SYNGR3: variants seen among roughly 807,000 people sequenced by gnomAD.
SYNGR3 encodes synaptogyrin 3, also known as synaptogyrin-3.
In SYNGR3, 10 loss-of-function variants were observed where a neutral mutation model predicts 18.5. The observed-to-expected ratio is 0.54, with a 90% CI of 0.33 to 0.92. The LOEUF (loss-of-function observed/expected upper bound fraction) is 0.92. Ranked by LOEUF, SYNGR3 falls within the 40% of genes least tolerant of loss-of-function variation. SYNGR3 has a pLI of 0.02. For missense variants in SYNGR3, 335 were observed against 332.8 expected (o/e 1.01, Z -0.05); for synonymous variants, 188 against 157.2 (o/e 1.20, Z -1.47).
At chr16:1,992,250 G>A in intron 2 of SYNGR3, 39 bp downstream of exon 2, 2 of 1,047,060 alleles carry the variant, frequency 1.9e-6, no homozygotes, top group South Asian at 1.9e-5. Context: ...AGAGCCTTCC[G>A]GGTGGGCGGG....
rs1597068088 is a variant in SYNGR3, at chr16:1,993,791, G to C, written c.*719G>C. On this transcript the variant is annotated 3_prime_UTR_variant, in exon 4 of 4. Transcript: ENST00000248121. The stretch of plus-strand genomic sequence containing the variant: ...GCCCTTCAGTAAGACCTTGCCAGGA[G>C]AGGAGAAGGATGCCTGGGTGCCAGG... The C allele has an allele frequency of 2.9e-6, 1 of 346,668 alleles. No homozygotes were observed. The highest frequency in any genetic ancestry group is 7.8e-5 in the East Asian group (1 of 12,752). 21.5% of individuals were successfully genotyped at this position (346,668 alleles called of 1,614,324 possible).
At chr16:1,992,433 C>A in intron 2 of SYNGR3, 1 of 804,560 alleles carries the variant, frequency 1.2e-6, no homozygotes, top group Non-Finnish European at 1.8e-6. Context: ...GGGCCCGGGT[C>A]TGGGCGGAGC....
Position 1,993,107 on chromosome 16 carries a change from C to T in SYNGR3, c.*35C>T. On this transcript the variant is annotated 3_prime_UTR_variant, in exon 4 of 4. Coordinates refer to ENST00000248121, the MANE Select transcript of SYNGR3 (RefSeq NM_004209.6). ...GGCACAGACCAGGGCTCCAAGGCCA[C>T]CCCACCAACGCAGGCCCCAGGGTCT... 6.3e-7 allele frequency: 1 copy of T among 1,583,062 alleles called. No individual in the cohort carries two copies.
rs768393505 is a variant in SYNGR3 at position 1,992,094 on chromosome 16, C to T, written c.220C>T (p.Leu74=). ...GGGCGCCTGCCGCTTCGGCGTCGCG[C>T]TGGGCCTCGGAGCCTTCCTCGCCTG... ...NAGACRFGVA[L]GLGAFLACAA... The change falls in exon 2 of 4, where the codon CTG becomes TTG. Residue 74 remains leucine (L), a synonymous_variant. Coordinates refer to ENST00000248121, the MANE Select transcript of SYNGR3 (RefSeq NM_004209.6). 10 of 1,576,536 alleles carry T rather than the reference C, an allele frequency of 6.3e-6. No individual in the cohort carries two copies. The South Asian group carries it at 1.0e-4, about 16-fold the overall frequency.
chr16:1,990,181 C>A lies in SYNGR3; in HGVS notation c.79C>A (p.Leu27Met). ...GAGCTTTGCGCGGCGGCCCCAGACCCTGCTCCGGGTCGCGTCCTGGGTGAG... is the reference window on the plus strand; with the variant it reads ...GAGCTTTGCGCGGCGGCCCCAGACCATGCTCCGGGTCGCGTCCTGGGTGAG... ...PVSFARRPQT[L>M]LRVASWVFSI... Residue 27 changes from leucine to methionine, a missense_variant, in exon 1 of 4, where the codon CTG becomes ATG. Physicochemically the swap from Leu to Met is conservative, Grantham distance 15. Transcript: ENST00000248121. The A allele has an allele frequency of 7.8e-7, 1 of 1,279,536 alleles. No individual in the cohort carries two copies. Among genetic ancestry groups the A allele is most frequent in the Non-Finnish European group, 9.9e-7 (1 of 1,011,872 alleles). 79.3% of individuals were successfully genotyped at this position (1,279,536 alleles called of 1,614,324 possible).
rs2083616927 is a variant in SYNGR3 at position 1,993,657 on chromosome 16, A to C, written c.*585A>C. 2 of 441,808 alleles carry C rather than the reference A, an allele frequency of 4.5e-6. No individual in the cohort carries two copies. Among genetic ancestry groups the C allele is most frequent in the East Asian group, 1.5e-4 (2 of 13,648 alleles). 27.4% of individuals were successfully genotyped at this position (441,808 alleles called of 1,614,324 possible). On this transcript the variant is annotated 3_prime_UTR_variant, in exon 4 of 4. Coordinates refer to ENST00000248121, the MANE Select transcript of SYNGR3 (RefSeq NM_004209.6). Reference sequence around the variant, plus strand: ...CAGTCTTCGGGTTTCACCTCCTAGTACTCCACAAGCTGCTCCTCTCTCTGT... The same window carrying C: ...CAGTCTTCGGGTTTCACCTCCTAGTCCTCCACAAGCTGCTCCTCTCTCTGT...
Position 1,992,775 on chromosome 16 carries a change from C to T in SYNGR3, c.477C>T (p.Ser159=). The part of the protein sequence containing the change: ...AIAFSFFSIL[S]WVALTVKALQ... ...CCTTCAGCTTCTTCTCCATCCTCAG[C>T]TGGGTGAGTGCGGGGCCCGGGAGGG... Residue 159 remains serine (S), a synonymous_variant, in exon 3 of 4, where the codon AGC becomes AGT. Coordinates refer to ENST00000248121, the MANE Select transcript of SYNGR3 (RefSeq NM_004209.6). 6.4e-7 allele frequency: 1 copy of T among 1,560,746 alleles called. No individual in the cohort carries two copies. Among genetic ancestry groups the T allele is most frequent in the Non-Finnish European group, 8.6e-7 (1 of 1,157,780 alleles).
intron 1 of SYNGR3, chr16:1,991,479 C>T (rs2083603668): frequency 6.5e-6 from 1 of 154,208 alleles, no homozygotes; most frequent in South Asian, 1.7e-4. Flanking sequence ...ACTCTCACCT[C>T]CCCTTCGCCG....
rs555331202 is a variant in SYNGR3 at position 1,991,988 on chromosome 16, C to T, written c.114C>T (p.Ala38=). 1.1e-4 allele frequency: 179 copies of T among 1,595,618 alleles called. No individual in the cohort carries two copies. The South Asian group carries it at 1.7e-3, about 15-fold the overall frequency. The stretch of plus-strand genomic sequence containing the variant: ...GCCGCACGCAGGTGTTCTCCATCGC[C>T]GTCTTCGGGCCCATCGTCAACGAGG... The part of the protein sequence containing the change: ...LRVASWVFSI[A]VFGPIVNEGY... Residue 38 remains alanine, a synonymous_variant, in exon 2 of 4, where the codon GCC becomes GCT. Transcript: ENST00000248121.
chr16:1,990,803 G>A (rs567558643), intron 1 of SYNGR3: 1 of 200,316 alleles, frequency 5.0e-6, no homozygotes, highest in South Asian at 4.9e-5. Context: ...TCCGGCAGGG[G>A]AGGTGGCAGT....
At chr16:1,991,614 C>T (rs2083604291) in intron 1 of SYNGR3, 2 of 246,966 alleles carry the variant, frequency 8.1e-6, no homozygotes, top group African/African-American at 4.6e-5. Flanking sequence ...TCAACCCCGG[C>T]TTTTGTCAGC....
Position 1,990,031 on chromosome 16 carries a change from C to T in SYNGR3, c.-72C>T, listed in dbSNP as rs1223229808. ...TCAGCATCAGCGGCAGCGGCAGCGG[C>T]CTCGGGCGGGGCCGGCCGGACGGAC... On this transcript the variant is annotated 5_prime_UTR_variant, in exon 1 of 4. Coordinates refer to ENST00000248121, the MANE Select transcript of SYNGR3 (RefSeq NM_004209.6). 7.3e-6 allele frequency: 4 copies of T among 548,554 alleles called. No individual in the cohort carries two copies. The highest frequency in any genetic ancestry group is 1.0e-5 in the Non-Finnish European group (4 of 388,072). The allele number at this position is 548,554 out of a possible 1,614,324, so 34.0% of individuals were successfully genotyped here.
intron 3 of SYNGR3, 24 bp from the exon 4 acceptor site, chr16:1,992,838 AC>A: frequency 6.6e-7 from 1 of 1,517,292 alleles, no homozygotes. Context: ...ATCCCGGCTG[AC>A]CCCGCTGACC....
chr16:1,990,158 G>A lies in SYNGR3; in HGVS notation c.56G>A (p.Ser19Asn). 2.4e-6 allele frequency: 3 copies of A among 1,261,840 alleles called. No homozygotes were observed. Among genetic ancestry groups the A allele is most frequent in the Non-Finnish European group, 3.0e-6 (3 of 1,001,284 alleles). The allele number at this position is 1,261,840 out of a possible 1,614,324, so 78.2% of individuals were successfully genotyped here. A position where few individuals can be genotyped will look rare whatever the true frequency, so the allele number is the denominator to read the frequency against. ...GRAGAALDPV[S>N]FARRPQTLLR... ...GCAGGGGCCGCCCTGGACCCCGTGA[G>A]CTTTGCGCGGCGGCCCCAGACCCTG... The change falls in exon 1 of 4, where the codon AGC (serine) becomes AAC (asparagine). Residue 19 changes from serine to asparagine, a missense_variant. Transcript: ENST00000248121.
At position 1,992,217 on chromosome 16, in the gene SYNGR3, C is replaced by A; in HGVS notation, c.337+6C>A. On this transcript the variant is annotated splice_donor_region_variant and intron_variant, in intron 2 of 3. Transcript: ENST00000248121. Reference sequence around the variant, plus strand: ...GCTGGACCTGGGCTTCTCAGGTGGGCGGGGCCGGGGCGGTGAGCGCGGAGA... The same window carrying A: ...GCTGGACCTGGGCTTCTCAGGTGGGAGGGGCCGGGGCGGTGAGCGCGGAGA... 2.3e-6 allele frequency: 2 copies of A among 871,974 alleles called. No homozygotes were observed. Among genetic ancestry groups the A allele is most frequent in the Non-Finnish European group, 2.6e-6 (2 of 773,732 alleles). 54.0% of individuals were successfully genotyped at this position (871,974 alleles called of 1,614,324 possible).
At chr16:1,992,365 TG>T in intron 2 of SYNGR3, 154 bp downstream of exon 2, 1 of 125,472 alleles carries the variant, frequency 8.0e-6, no homozygotes, top group Non-Finnish European at 1.2e-5. Context: ...GCCTCCCGGG[TG>T]GGCGGGGAGG....
rs368956895 is a variant in SYNGR3 at position 1,993,707 on chromosome 16, G to T, written c.*635G>T. 8.5e-5 allele frequency: 35 copies of T among 413,282 alleles called. No homozygotes were observed. The East Asian group carries it at 1.9e-3, about 23-fold the overall frequency. The allele number at this position is 413,282 out of a possible 1,614,324, so 25.6% of individuals were successfully genotyped here. A position where few individuals can be genotyped will look rare whatever the true frequency, so the allele number is the denominator to read the frequency against. On this transcript the variant is annotated 3_prime_UTR_variant, in exon 4 of 4. Transcript: ENST00000248121. ...TGGCCCCGGCCCCTGCCCAGGTGTGGGTGGTTCTGGCCAGGAAGGCACAAG... is the reference window on the plus strand; with the variant it reads ...TGGCCCCGGCCCCTGCCCAGGTGTGTGTGGTTCTGGCCAGGAAGGCACAAG...
chr16:1,992,706 G>T lies in SYNGR3; in HGVS notation c.408G>T (p.Gly136=), dbSNP rs200001494. Residue 136 remains glycine (G), a synonymous_variant, in exon 3 of 4, where the codon GGG becomes GGT. Coordinates refer to ENST00000248121, the MANE Select transcript of SYNGR3 (RefSeq NM_004209.6). ...LTNQWQRTAP[G]PATTQAGDAA... ...ATCAGTGGCAGCGCACGGCGCCAGGGCCGGCCACGACGCAGGCGGGGGACG... is the reference window on the plus strand; with the variant it reads ...ATCAGTGGCAGCGCACGGCGCCAGGTCCGGCCACGACGCAGGCGGGGGACG... 15 of 1,601,408 alleles carry T rather than the reference G, an allele frequency of 9.4e-6. No individual in the cohort carries two copies. The East Asian group carries it at 3.2e-4, about 34-fold the overall frequency.
chr16:1,992,738 G>A lies in SYNGR3; in HGVS notation c.440G>A (p.Arg147Gln), dbSNP rs750517851. 2 of 1,584,810 alleles carry A rather than the reference G, an allele frequency of 1.3e-6. No individual in the cohort carries two copies. Among genetic ancestry groups the A allele is most frequent in the African/African-American group, 1.4e-5 (1 of 72,944 alleles). The change falls in exon 3 of 4, where the codon CGG (arginine) becomes CAG (glutamine). Residue 147 changes from arginine (R) to glutamine (Q), a missense_variant. Arg to Gln is a conservative substitution (Grantham distance 43). Coordinates refer to ENST00000248121, the MANE Select transcript of SYNGR3 (RefSeq NM_004209.6). ...PATTQAGDAA[R>Q]AAIAFSFFSI... ...ACGACGCAGGCGGGGGACGCGGCGC[G>A]GGCCGCCATCGCCTTCAGCTTCTTC...
Sources: allele counts gnomAD v4.1 joint callset, GRCh38; gene constraint gnomAD v4.1.1; transcripts MANE v1.5; gene names NCBI Gene and HGNC (gene_info 2026-07-23, HGNC 2026-07-21).